The following MLLT10 variants were observed in gnomAD, a reference collection of about 807,000 sequenced individuals.
The protein encoded by MLLT10 is MLLT10 histone lysine methyltransferase DOT1L cofactor.
Under a neutral mutation model 129.1 loss-of-function variants are expected in MLLT10, and 30 were observed. That is an observed-to-expected ratio of 0.23 (90% CI 0.17 to 0.32). The LOEUF (loss-of-function observed/expected upper bound fraction) is 0.32, where lower values mean the gene tolerates loss of function less well. MLLT10 is among the 10% of genes least tolerant of loss of function. MLLT10 has a pLI of 1.00. For missense variants in MLLT10, 1,119 were observed against 1,268.3 expected, an observed-to-expected ratio of 0.88 and a Z score of 1.79; for synonymous variants, 490 against 446.4, an observed-to-expected ratio of 1.10 and a Z score of -1.23.
intron 18 of MLLT10, 73 bp from the exon 19 acceptor site, chr10:21,733,431 A>G: frequency 1.0e-6 from 1 of 961,634 alleles, no homozygotes; most frequent in South Asian, 2.3e-5. Flanking sequence ...AAGCTTTTTA[A>G]TAAGCCTTTA....
chr10:21,565,945 CTTTTTTTTT>C (rs1204388391), intron 3 of MLLT10, among the ~76,000 whole-genome samples: 4 of 79,358 alleles, frequency 5.0e-5, no homozygotes, highest in African/African-American at 1.7e-4. Flanking sequence ...CAATCTTTGG[CTTTTTTTTT>C]TTTTTTTTTT....
At chr10:21,739,208 GCT>G (rs1198533368) in intron 21 of MLLT10, among the ~76,000 whole-genome samples, 1 of 152,078 alleles carries the variant, frequency 6.6e-6, no homozygotes, top group Admixed American at 6.5e-5. Context: ...GCCACTGCAA[GCT>G]CTGTGTTCTC....
intron 13 of MLLT10, among the ~76,000 whole-genome samples, chr10:21,692,126 A>G (rs1190173244): frequency 1.3e-5 from 2 of 151,904 alleles, no homozygotes; most frequent in Non-Finnish European, 2.9e-5. Context: ...GTGACCTGAG[A>G]TCACGCTACT....
intron 5 of MLLT10, among the ~76,000 whole-genome samples, chr10:21,610,694 T>C (rs2044522277): frequency 6.6e-6 from 1 of 151,658 alleles, no homozygotes; most frequent in Admixed American, 6.6e-5. Context: ...TTCTATTCAC[T>C]GTCAGCTCTT....
intron 8 of MLLT10, among the ~76,000 whole-genome samples, chr10:21,647,674 G>T (rs969187871): frequency 1.4e-5 from 2 of 147,808 alleles, no homozygotes; most frequent in Non-Finnish European, 3.0e-5. Flanking sequence ...TGTTTCTGTT[G>T]CTGTTTACTG....
chr10:21,732,830 G>T, intron 17 of MLLT10, 69 bp from the exon 18 acceptor site: 1 of 1,235,578 alleles, frequency 8.1e-7, no homozygotes. Flanking sequence ...AAGGTTACCG[G>T]CACTGCGTAA....
chr10:21,715,219 G>A (rs1011658398), intron 14 of MLLT10, among the ~76,000 whole-genome samples: 1 of 152,196 alleles, frequency 6.6e-6, no homozygotes. Context: ...TGATGCATTT[G>A]TGTGAATGGC....
Position 21,741,993 on chromosome 10 carries a change from A to C in MLLT10, c.*10A>C. On this transcript the variant is annotated 3_prime_UTR_variant, in exon 23 of 23. Transcript: ENST00000307729. ...TCAAGAGAAAAGTTGACACCTGAGAAACATCTAGAAATTGCCTATCCTGCT... is the reference window on the plus strand; with the variant it reads ...TCAAGAGAAAAGTTGACACCTGAGACACATCTAGAAATTGCCTATCCTGCT... 6.2e-7 allele frequency: 1 copy of C among 1,612,098 alleles called. No individual in the cohort carries two copies. Among genetic ancestry groups the C allele is most frequent in the Non-Finnish European group, 8.5e-7 (1 of 1,179,578 alleles).
chr10:21,721,023 C>T (rs1306524871), intron 14 of MLLT10, among the ~76,000 whole-genome samples: 1 of 152,008 alleles, frequency 6.6e-6, no homozygotes. Context: ...AATGTTTTTC[C>T]TCCTGAAAGT....
At chr10:21,700,508 T>C (rs889941312) in intron 13 of MLLT10, among the ~76,000 whole-genome samples, 8 of 152,168 alleles carry the variant, frequency 5.3e-5, no homozygotes, top group African/African-American at 1.9e-4. Context: ...GTTTGTCCTA[T>C]ATGGCCTTTA....
At chr10:21,553,056 A>G (rs1162076206) in intron 3 of MLLT10, among the ~76,000 whole-genome samples, 2 of 151,948 alleles carry the variant, frequency 1.3e-5, no homozygotes, top group African/African-American at 4.8e-5. Context: ...CTTCTTGCTT[A>G]TATTGGATTC....
At chr10:21,564,099 A>G (rs1246857713) in intron 3 of MLLT10, among the ~76,000 whole-genome samples, 2 of 151,826 alleles carry the variant, frequency 1.3e-5, no homozygotes, top group Admixed American at 6.6e-5. Context: ...GGCATGAGCC[A>G]CCGTGCCCGG....
chr10:21,692,985 C>G (rs1404406733), intron 13 of MLLT10, among the ~76,000 whole-genome samples: 2 of 152,072 alleles, frequency 1.3e-5, no homozygotes, highest in East Asian at 3.9e-4. Context: ...CCCACTAAAT[C>G]TTTCTTTTAA....
intron 13 of MLLT10, among the ~76,000 whole-genome samples, chr10:21,689,072 A>C (rs1193430401): frequency 6.6e-6 from 1 of 152,024 alleles, no homozygotes; most frequent in Non-Finnish European, 1.5e-5. Flanking sequence ...CATGCTGATA[A>C]AGCTAATTTT....
chr10:21,632,915 C>T (rs1195161003), intron 8 of MLLT10, among the ~76,000 whole-genome samples: 2 of 151,986 alleles, frequency 1.3e-5, no homozygotes, highest in African/African-American at 4.8e-5. Flanking sequence ...TAATACATAA[C>T]CTGATTTTAG....
intron 13 of MLLT10, among the ~76,000 whole-genome samples, chr10:21,705,283 T>C (rs926993576): frequency 1.3e-5 from 2 of 152,058 alleles, no homozygotes; most frequent in Non-Finnish European, 2.9e-5. Flanking sequence ...GCAGGGTGGG[T>C]AGGCCTAACC....
At chr10:21,718,706 G>C (rs571515710) in intron 14 of MLLT10, among the ~76,000 whole-genome samples, 1 of 152,060 alleles carries the variant, frequency 6.6e-6, no homozygotes, top group South Asian at 2.1e-4. Context: ...CAGATATTTC[G>C]TGTTTTTGTT....
intron 22 of MLLT10, 35 bp from the exon 23 acceptor site, chr10:21,741,904 T>G (rs1275131872): frequency 6.3e-7 from 1 of 1,595,962 alleles, no homozygotes; most frequent in African/African-American, 1.3e-5. Flanking sequence ...AAAAGTTGAT[T>G]TAGCTAACGC....
chr10:21,543,470 T>G (rs2130913966), intron 3 of MLLT10, among the ~76,000 whole-genome samples: 1 of 152,088 alleles, frequency 6.6e-6, no homozygotes, highest in Non-Finnish European at 1.5e-5. Context: ...AAATTATATT[T>G]AAAAATATAT....
Sources: allele counts gnomAD v4.1 joint callset (sites outside exome capture counted in the v4.1 genomes callset), GRCh38; gene constraint gnomAD v4.1.1; transcripts MANE v1.5; gene names NCBI Gene and HGNC (gene_info 2026-07-23, HGNC 2026-07-21).